Variants in ITGA8 observed in about 807,000 individuals in gnomAD.
ITGA8 encodes integrin alpha-8.
ITGA8 carries 91 observed loss-of-function variants against 142.3 expected under a neutral mutation model. The ratio of observed to expected loss-of-function variants is 0.64; its 90% CI spans 0.54 to 0.76. The LOEUF is 0.76. Among genes scored for constraint, ITGA8 ranks in the 30% least tolerant of loss-of-function variants. ITGA8 has a pLI of 0.00. For missense variants in ITGA8, 1,406 were observed against 1,327.7 expected, an observed-to-expected ratio of 1.06 and a Z score of -0.92; for synonymous variants, 505 against 485.2, an observed-to-expected ratio of 1.04 and a Z score of -0.54.
intron 28 of ITGA8, among the ~76,000 whole-genome samples, chr10:15,525,321 A>G (rs1489302877): frequency 6.6e-6 from 1 of 152,170 alleles, no homozygotes; most frequent in Non-Finnish European, 1.5e-5. Context: ...CCACAAGCAT[A>G]ACATAAAATG....
chr10:15,647,073 G>A (rs905613915), intron 11 of ITGA8, 22 bp from the exon 12 acceptor site: 3 of 1,569,100 alleles, frequency 1.9e-6, no homozygotes, highest in Non-Finnish European at 1.8e-6. Flanking sequence ...AAAGAAAGCA[G>A]CTCAGCACGC....
chr10:15,551,389 G>T (rs1043244281), intron 26 of ITGA8, among the ~76,000 whole-genome samples: 4 of 152,100 alleles, frequency 2.6e-5, no homozygotes, highest in Admixed American at 6.5e-5. Context: ...ACCAGGAGGG[G>T]ATGTTTTCGG....
chr10:15,571,832 T>G lies in ITGA8; in HGVS notation c.2637+379A>C, dbSNP rs541764949. Among the ~76,000 whole-genome samples, 5 of 152,336 alleles carry G rather than the reference T, an allele frequency of 3.3e-5. No homozygotes were observed. The South Asian group carries it at 1.0e-3, about 32-fold the overall frequency. On this transcript the variant is annotated intron_variant, in intron 25 of 29. Transcript: ENST00000378076. The stretch of plus-strand genomic sequence containing the variant: ...CTGGAAGAGCCTCTTTTGGCAAAGA[T>G]CCTTACGAAATTTGGCAATAGACCA...
intron 8 of ITGA8, among the ~76,000 whole-genome samples, chr10:15,671,250 A>T (rs1433903091): frequency 6.6e-6 from 1 of 152,186 alleles, no homozygotes; most frequent in African/African-American, 2.4e-5. Flanking sequence ...AATTTTGGAC[A>T]TGTCCAATAT....
intron 10 of ITGA8, among the ~76,000 whole-genome samples, chr10:15,657,509 C>CTTTCTTTTT (rs534714654): frequency 3.4e-5 from 4 of 116,498 alleles, no homozygotes; most frequent in African/African-American, 1.3e-4. Context: ...TCTTTTCTTT[C>CTTTCTTTTT]ATTTTTTTTT....
chr10:15,695,980 G>A (rs1835044332), intron 2 of ITGA8, among the ~76,000 whole-genome samples: 1 of 152,156 alleles, frequency 6.6e-6, no homozygotes, highest in Non-Finnish European at 1.5e-5. Context: ...CCCTATCCTT[G>A]CCAACGTCCA....
chr10:15,592,331 G>A lies in ITGA8; in HGVS notation c.2212-27C>T, dbSNP rs572079508. ...TAAAAAATAAAATAAAATCACACAA[G>A]AGTAGCTTGTACACAACATAAAAAT... On this transcript the variant is annotated intron_variant, in intron 21 of 29. Transcript: ENST00000378076. The A allele has an allele frequency of 5.0e-5, 76 of 1,520,724 alleles. No individual in the cohort carries two copies. In the South Asian group the frequency reaches 7.8e-4, roughly 16 times the overall value. 94.2% of individuals were successfully genotyped at this position (1,520,724 alleles called of 1,614,324 possible).
intron 2 of ITGA8, among the ~76,000 whole-genome samples, chr10:15,688,302 CAAAAAA>C (rs35060475): frequency 5.3e-5 from 6 of 112,798 alleles, no homozygotes; most frequent in Non-Finnish European, 8.6e-5. Flanking sequence ...CAAAAAATAC[CAAAAAA>C]AAAAAAAAAA....
intron 2 of ITGA8, among the ~76,000 whole-genome samples, chr10:15,715,135 C>A (rs1835427391): frequency 6.6e-6 from 1 of 151,974 alleles, no homozygotes; most frequent in East Asian, 1.9e-4. Context: ...TGGCACTGAG[C>A]AGAGAGTAAC....
At chr10:15,681,692 T>A (rs1409281867) in intron 4 of ITGA8, among the ~76,000 whole-genome samples, 1 of 152,146 alleles carries the variant, frequency 6.6e-6, no homozygotes, top group African/African-American at 2.4e-5. Context: ...GTTGGAAGAA[T>A]AACCTACATT....
intron 2 of ITGA8, among the ~76,000 whole-genome samples, chr10:15,711,315 T>C (rs1397433508): frequency 6.6e-6 from 1 of 152,194 alleles, no homozygotes; most frequent in Non-Finnish European, 1.5e-5. Context: ...CCTATGCTTC[T>C]CAGGGATCTT....
Position 15,710,723 on chromosome 10 carries a change from G to A in ITGA8, c.343+8043C>T, listed in dbSNP as rs534065701. ...GGGGGCAGGTATAGGAGACATCTGG[G>A]GAAATCATAGGCTCTGACAACTGAG... On this transcript the variant is annotated intron_variant, in intron 2 of 29. Transcript: ENST00000378076. 3.3e-5 allele frequency among the ~76,000 whole-genome samples: 5 copies of A among 152,248 alleles called. No individual in the cohort carries two copies. The East Asian group carries it at 9.6e-4, about 29-fold the overall frequency.
chr10:15,534,089 T>C (rs1833368524), intron 27 of ITGA8, among the ~76,000 whole-genome samples: 1 of 151,908 alleles, frequency 6.6e-6, no homozygotes, highest in Non-Finnish European at 1.5e-5. Flanking sequence ...GTATTTTTTT[T>C]AGTAGAGTCA....
chr10:15,586,755 G>C, intron 22 of ITGA8, 91 bp from the exon 23 acceptor site: 5 of 738,816 alleles, frequency 6.8e-6, no homozygotes, highest in Non-Finnish European at 1.2e-5. Flanking sequence ...TATCACAGGA[G>C]AACACACGTT....
intron 25 of ITGA8, among the ~76,000 whole-genome samples, chr10:15,570,176 G>A (rs1321760418): frequency 2.6e-5 from 4 of 152,252 alleles, no homozygotes; most frequent in Admixed American, 1.3e-4. Flanking sequence ...TTATTTAAGG[G>A]AGATATTACT....
chr10:15,558,069 C>T lies in ITGA8; in HGVS notation c.2766+5G>A, dbSNP rs747943982. The T allele has an allele frequency of 2.5e-6, 4 of 1,613,786 alleles. No homozygotes were observed. Among genetic ancestry groups the T allele is most frequent in the Admixed American group, 3.3e-5 (2 of 60,026 alleles). On this transcript the variant is annotated splice_donor_5th_base_variant and intron_variant, in intron 26 of 29. Coordinates refer to ENST00000378076, the MANE Select transcript of ITGA8 (RefSeq NM_003638.3). The stretch of plus-strand genomic sequence containing the variant: ...CTCAGTTCTATGCACACTGGGATAA[C>T]TCACCAGTATTTTTGCAGGGCTCTG...
At chr10:15,528,539 A>T (rs1588625740) in intron 28 of ITGA8, among the ~76,000 whole-genome samples, 1 of 144,110 alleles carries the variant, frequency 6.9e-6, no homozygotes, top group Non-Finnish European at 1.5e-5. Context: ...ATTCAATAAC[A>T]GGGGTGGCAG....
intron 23 of ITGA8, among the ~76,000 whole-genome samples, chr10:15,578,763 T>C (rs2131585875): frequency 6.6e-6 from 1 of 152,248 alleles, no homozygotes; most frequent in South Asian, 2.1e-4. Flanking sequence ...CATTCAATCC[T>C]GATTATTTTA....
intron 23 of ITGA8, among the ~76,000 whole-genome samples, chr10:15,576,083 G>A (rs1048324856): frequency 1.3e-5 from 2 of 152,066 alleles, no homozygotes; most frequent in African/African-American, 2.4e-5. Context: ...TAAATGTCCA[G>A]TTATGAAGAA....
Sources: allele counts gnomAD v4.1 joint callset (sites outside exome capture counted in the v4.1 genomes callset), GRCh38; gene constraint gnomAD v4.1.1; transcripts MANE v1.5; gene names NCBI Gene and HGNC (gene_info 2026-07-23, HGNC 2026-07-21).